CTNNA3: variants seen among roughly 807,000 people sequenced by gnomAD.
CTNNA3 encodes catenin alpha 3, also known as catenin alpha-3.
A neutral mutation model predicts 95.7 loss-of-function variants in CTNNA3; 76 were observed. The ratio of observed to expected loss-of-function variants is 0.79; its 90% CI spans 0.66 to 0.96. The LOEUF (loss-of-function observed/expected upper bound fraction) is 0.96. Ranked by LOEUF, CTNNA3 falls within the 40% of genes least tolerant of loss-of-function variation. The pLI is 0.00. For missense variants in CTNNA3, 1,191 were observed against 1,089.8 expected, an observed-to-expected ratio of 1.09 and a Z score of -1.31; for synonymous variants, 431 against 374.4, an observed-to-expected ratio of 1.15 and a Z score of -1.74.
At position 66,520,724 on chromosome 10, in the gene CTNNA3, A is replaced by G. The variant is rs772179026; in HGVS notation, c.1424T>C (p.Val475Ala). Residue 475 changes from valine to alanine, a missense_variant, in exon 11 of 18, where the codon GTC (valine) becomes GCC (alanine). By Grantham distance (64) the Val-to-Ala change is moderately conservative. Coordinates refer to ENST00000433211, the MANE Select transcript of CTNNA3 (RefSeq NM_013266.4). ...ALAARPKSQAVKNTMEMYKRT... is the reference protein window; with the variant it reads ...ALAARPKSQAAKNTMEMYKRT... ...CTTGTACATTTCCATGGTGTTTTTG[A>G]CCGCTTGACTTTTGGGTCTTGCAGC... 1.2e-6 allele frequency: 2 copies of G among 1,613,098 alleles called. No homozygotes were observed. The highest frequency in any genetic ancestry group is 2.2e-5 in the South Asian group (2 of 90,988).
chr10:66,489,791 T>C (rs1193907910), intron 11 of CTNNA3, among the ~76,000 whole-genome samples: 2 of 152,202 alleles, frequency 1.3e-5, no homozygotes, highest in African/African-American at 2.4e-5. Context: ...TCTTTGTTAA[T>C]GACTGGCAAT....
At chr10:67,599,632 G>A (rs1012262676) in intron 3 of CTNNA3, among the ~76,000 whole-genome samples, 1 of 152,118 alleles carries the variant, frequency 6.6e-6, no homozygotes, top group Admixed American at 6.5e-5. Flanking sequence ...AAGAATTATT[G>A]TGATATATTT....
chr10:67,637,664 T>C (rs1235140976), intron 2 of CTNNA3, among the ~76,000 whole-genome samples: 3 of 152,214 alleles, frequency 2.0e-5, no homozygotes, highest in Admixed American at 6.5e-5. Flanking sequence ...ATAGCTGATC[T>C]CTCGGCAGAA....
chr10:66,664,105 A>AT (rs969935728), intron 9 of CTNNA3, among the ~76,000 whole-genome samples: 30 of 151,854 alleles, frequency 2.0e-4, no homozygotes, highest in African/African-American at 7.2e-4. Context: ...TTTTATATTA[A>AT]TTTTTTATCA....
intron 1 of CTNNA3, among the ~76,000 whole-genome samples, chr10:67,671,263 C>G (rs985160635): frequency 6.6e-6 from 1 of 152,128 alleles, no homozygotes; most frequent in African/African-American, 2.4e-5. Flanking sequence ...GGAAATAAAA[C>G]AATCTTACTG....
intron 15 of CTNNA3, among the ~76,000 whole-genome samples, chr10:66,027,072 G>T (rs143790146): frequency 3.5e-4 from 53 of 152,042 alleles, no homozygotes; most frequent in African/African-American, 1.2e-3. Context: ...TAATTTTTTA[G>T]CTGTGGTTTT....
chr10:66,398,404 T>TA (rs1357236432), intron 11 of CTNNA3, among the ~76,000 whole-genome samples: 1 of 151,916 alleles, frequency 6.6e-6, no homozygotes. Context: ...GCCCAGCAGT[T>TA]ACAACAATTG....
intron 11 of CTNNA3, among the ~76,000 whole-genome samples, chr10:66,494,087 T>C (rs1840023231): frequency 1.3e-5 from 2 of 150,816 alleles, no homozygotes; most frequent in African/African-American, 2.4e-5. Flanking sequence ...TTTGTATTTT[T>C]AGTAGAAATG....
intron 5 of CTNNA3, among the ~76,000 whole-genome samples, chr10:67,410,381 T>A (rs1845317872): frequency 6.6e-6 from 1 of 151,870 alleles, no homozygotes; most frequent in Non-Finnish European, 1.5e-5. Flanking sequence ...AGGGAGAGGA[T>A]GAGGAAGAAT....
intron 9 of CTNNA3, among the ~76,000 whole-genome samples, chr10:66,687,700 C>CAT (rs138007950): frequency 7.2e-4 from 106 of 147,382 alleles, no homozygotes; most frequent in African/African-American, 1.1e-3. Flanking sequence ...TGTATTGATT[C>CAT]ATATATATAT....
At chr10:67,231,334 C>A (rs1399646119) in intron 5 of CTNNA3, among the ~76,000 whole-genome samples, 1 of 152,192 alleles carries the variant, frequency 6.6e-6, no homozygotes, top group African/African-American at 2.4e-5. Flanking sequence ...ATCTGAGAAC[C>A]AGCAGACTGC....
intron 12 of CTNNA3, among the ~76,000 whole-genome samples, chr10:66,376,872 C>T (rs1026584173): frequency 6.6e-6 from 1 of 152,044 alleles, no homozygotes; most frequent in African/African-American, 2.4e-5. Context: ...ACTAATAAGT[C>T]CAAGATGTGA....
At chr10:66,862,079 G>GC (rs1843956096) in intron 7 of CTNNA3, among the ~76,000 whole-genome samples, 2 of 152,098 alleles carry the variant, frequency 1.3e-5, no homozygotes, top group African/African-American at 4.8e-5. Context: ...GCCAGGTGTG[G>GC]TGGCACATGC....
In CTNNA3 at chr10:66,969,816, A is replaced by G. The variant is rs983943393; in HGVS notation, c.1048-194292T>C. On this transcript the variant is annotated intron_variant, in intron 7 of 17. Transcript: ENST00000433211. ...GAGGAGAAAAGCTGCCTCTCACAACATTCATAAGGCTTCCTGACCCTAGAG... is the reference window on the plus strand; with the variant it reads ...GAGGAGAAAAGCTGCCTCTCACAACGTTCATAAGGCTTCCTGACCCTAGAG... 1.4e-4 allele frequency among the ~76,000 whole-genome samples: 22 copies of G among 152,168 alleles called. 1 individual carries two copies. The highest frequency in any genetic ancestry group is 4.1e-4 in the African/African-American group (17 of 41,408).
chr10:66,812,048 T>G (rs1312252435), intron 7 of CTNNA3, among the ~76,000 whole-genome samples: 1 of 152,170 alleles, frequency 6.6e-6, no homozygotes, highest in Non-Finnish European at 1.5e-5. Flanking sequence ...GATCTAGTTT[T>G]ATGTCCCAGG....
chr10:66,652,178 A>C (rs911761202), intron 9 of CTNNA3, among the ~76,000 whole-genome samples: 4 of 151,902 alleles, frequency 2.6e-5, no homozygotes, highest in Non-Finnish European at 5.9e-5. Context: ...AAATAAATGA[A>C]ATAGTGACTG....
chr10:66,021,348 T>C (rs145500769), intron 15 of CTNNA3, among the ~76,000 whole-genome samples: 229 of 152,290 alleles, frequency 1.5e-3, no homozygotes, highest in African/African-American at 5.4e-3. Context: ...TCCTCATGTC[T>C]TATAGGAGGA....
chr10:66,309,229 T>C (rs977385082), intron 12 of CTNNA3, among the ~76,000 whole-genome samples: 18 of 152,188 alleles, frequency 1.2e-4, no homozygotes, highest in African/African-American at 4.3e-4. Flanking sequence ...GAACTATATA[T>C]ACTCTGCTCT....
chr10:66,488,225 A>T (rs1839805655), intron 11 of CTNNA3, among the ~76,000 whole-genome samples: 1 of 152,234 alleles, frequency 6.6e-6, no homozygotes, highest in Non-Finnish European at 1.5e-5. Flanking sequence ...CACTTGAAAT[A>T]ACTATAGCAA....
Sources: allele counts gnomAD v4.1 joint callset (sites outside exome capture counted in the v4.1 genomes callset), GRCh38; gene constraint gnomAD v4.1.1; transcripts MANE v1.5; gene names NCBI Gene and HGNC (gene_info 2026-07-23, HGNC 2026-07-21).